The following NDST4 variants were observed in gnomAD, a reference collection of about 807,000 sequenced individuals.
NDST4 encodes the protein N-deacetylase and N-sulfotransferase 4.
In NDST4, 63 loss-of-function variants were observed where a neutral mutation model predicts 100.8. The observed-to-expected ratio is 0.62, with a 90% CI of 0.51 to 0.77. The LOEUF (loss-of-function observed/expected upper bound fraction) is 0.77, where lower values mean the gene tolerates loss of function less well. Among genes scored for constraint, NDST4 ranks in the 30% least tolerant of loss-of-function variants. NDST4 has a pLI of 0.00. For synonymous variants in NDST4, 377 were observed against 361.8 expected, an observed-to-expected ratio of 1.04 and a Z score of -0.48; for missense variants, 943 against 1,018.4, an observed-to-expected ratio of 0.93 and a Z score of 1.01.
chr4:115,079,917 A>G (rs1034786265), intron 1 of NDST4, among the ~76,000 whole-genome samples: 31 of 152,152 alleles, frequency 2.0e-4, no homozygotes, highest in African/African-American at 7.0e-4. Flanking sequence ...TTGTCAGAAA[A>G]TAACTTTTAA....
chr4:114,939,990 C>G (rs560546863), intron 4 of NDST4, among the ~76,000 whole-genome samples: 7 of 152,088 alleles, frequency 4.6e-5, no homozygotes, highest in Admixed American at 3.3e-4. Flanking sequence ...AAACCTACTT[C>G]GCAGAGACTT....
chr4:115,076,219 T>A lies in NDST4; in HGVS notation c.818A>T (p.Asn273Ile). ...CTTGTGCAGCCAAAAGTTCAAGTTG[T>A]TGCCAAAAAGTACTCTCTGAATTCC... ...HDGIQRVLFG[N>I]NLNFWLHKLI... Residue 273 changes from asparagine to isoleucine, a missense_variant, in exon 2 of 14, where the codon AAC (asparagine) becomes ATC (isoleucine). Asn to Ile is a moderately radical substitution (Grantham distance 149). Coordinates refer to ENST00000264363, the MANE Select transcript of NDST4 (RefSeq NM_022569.3). The A allele has an allele frequency of 6.2e-7, 1 of 1,613,984 alleles. No homozygotes were observed. Among genetic ancestry groups the A allele is most frequent in the Non-Finnish European group, 8.5e-7 (1 of 1,179,946 alleles).
At position 115,034,129 on chromosome 4, in the gene NDST4, C is replaced by T. The variant is rs11939952; in HGVS notation, c.978+41930G>A. On this transcript the variant is annotated intron_variant, in intron 2 of 13. Coordinates refer to ENST00000264363, the MANE Select transcript of NDST4 (RefSeq NM_022569.3). ...TCCTCCTTCTTATGGGGACCACACT[C>T]GGATCCTGCTTATTCTTGAGTAGTA... Among the ~76,000 whole-genome samples, 549 of 152,186 alleles carry T rather than the reference C, an allele frequency of 3.6e-3. 3 individuals carry two copies. Among genetic ancestry groups the T allele is most frequent in the African/African-American group, 0.013 (528 of 41,528 alleles).
At chr4:115,023,449 C>T (rs1727904625) in intron 2 of NDST4, among the ~76,000 whole-genome samples, 1 of 145,742 alleles carries the variant, frequency 6.9e-6, no homozygotes, top group Non-Finnish European at 1.5e-5. Flanking sequence ...CGTGCCATTG[C>T]ACTCCAGCCT....
At chr4:115,102,768 G>A (rs975550248) in intron 1 of NDST4, among the ~76,000 whole-genome samples, 2 of 137,068 alleles carry the variant, frequency 1.5e-5, no homozygotes, top group South Asian at 2.3e-4. Flanking sequence ...GAGTTCAATG[G>A]TGCGGCCTCA....
chr4:114,896,049 A>T (rs147054442), intron 6 of NDST4, among the ~76,000 whole-genome samples: 1 of 152,230 alleles, frequency 6.6e-6, no homozygotes, highest in Admixed American at 6.5e-5. Flanking sequence ...TGTGATTCTA[A>T]TACAAAATAT....
intron 2 of NDST4, among the ~76,000 whole-genome samples, chr4:115,055,731 T>A (rs1728679953): frequency 1.3e-5 from 2 of 152,058 alleles, no homozygotes; most frequent in South Asian, 4.1e-4. Context: ...TGTAGGTTAA[T>A]GAGAAACAAT....
At chr4:115,109,768 T>C (rs1264788113) in intron 1 of NDST4, among the ~76,000 whole-genome samples, 1 of 151,936 alleles carries the variant, frequency 6.6e-6, no homozygotes, top group East Asian at 1.9e-4. Context: ...TGTATGTAAA[T>C]GACCTCAAAG....
chr4:114,995,060 C>T (rs1727130382), intron 2 of NDST4, among the ~76,000 whole-genome samples: 1 of 151,974 alleles, frequency 6.6e-6, no homozygotes, highest in African/African-American at 2.4e-5. Context: ...GTGTGTTGAA[C>T]TGGCTAATTC....
At chr4:114,865,633 G>T (rs1037362458) in intron 7 of NDST4, among the ~76,000 whole-genome samples, 3 of 152,110 alleles carry the variant, frequency 2.0e-5, no homozygotes, top group African/African-American at 2.4e-5. Context: ...TATATTTTAT[G>T]ATGATTTTAA....
intron 7 of NDST4, 58 bp downstream of exon 7, chr4:114,870,710 A>G: frequency 7.0e-7 from 1 of 1,432,996 alleles, no homozygotes; most frequent in Non-Finnish European, 9.5e-7. Context: ...CACAAATTAT[A>G]CACTCACAAA....
chr4:114,939,101 G>A (rs1422703666), intron 4 of NDST4, among the ~76,000 whole-genome samples: 1 of 152,174 alleles, frequency 6.6e-6, no homozygotes, highest in African/African-American at 2.4e-5. Flanking sequence ...AACATGTACT[G>A]GGACAGCCTT....
At chr4:114,961,915 T>C (rs1726271970) in intron 4 of NDST4, among the ~76,000 whole-genome samples, 1 of 152,086 alleles carries the variant, frequency 6.6e-6, no homozygotes, top group Admixed American at 6.6e-5. Context: ...AGTATCTCTA[T>C]TAATAGAGTT....
chr4:114,945,041 C>G (rs764475956), intron 4 of NDST4, among the ~76,000 whole-genome samples: 4 of 151,726 alleles, frequency 2.6e-5, no homozygotes, highest in Non-Finnish European at 5.9e-5. Flanking sequence ...GAAACCCTGT[C>G]TCTACTAAAA....
chr4:114,991,379 G>A (rs1330827479), intron 2 of NDST4, among the ~76,000 whole-genome samples: 1 of 151,902 alleles, frequency 6.6e-6, no homozygotes, highest in African/African-American at 2.4e-5. Flanking sequence ...TGAGTTATGG[G>A]GTGAAGAGAA....
intron 6 of NDST4, among the ~76,000 whole-genome samples, chr4:114,897,179 A>G (rs1724733731): frequency 1.3e-5 from 2 of 152,170 alleles, no homozygotes; most frequent in Admixed American, 1.3e-4. Flanking sequence ...TGCATCTACT[A>G]TTATAGTATA....
At chr4:115,022,007 T>C (rs1727841084) in intron 2 of NDST4, among the ~76,000 whole-genome samples, 1 of 139,236 alleles carries the variant, frequency 7.2e-6, no homozygotes, top group Non-Finnish European at 1.5e-5. Flanking sequence ...TCCATATATA[T>C]GTTCCATATC....
intron 7 of NDST4, among the ~76,000 whole-genome samples, chr4:114,863,468 T>C (rs758643070): frequency 1.3e-5 from 2 of 152,254 alleles, no homozygotes; most frequent in Non-Finnish European, 2.9e-5. Flanking sequence ...CCAAAAAAGC[T>C]AAGCATTTAA....
intron 2 of NDST4, among the ~76,000 whole-genome samples, chr4:115,065,478 C>T (rs115430780): frequency 0.011 from 1,678 of 152,172 alleles, 15 homozygotes; most frequent in African/African-American, 0.02. Flanking sequence ...ATCTTAGTAT[C>T]GCTAAGCCTC....
Sources: allele counts gnomAD v4.1 joint callset (sites outside exome capture counted in the v4.1 genomes callset), GRCh38; gene constraint gnomAD v4.1.1; transcripts MANE v1.5; gene names NCBI Gene and HGNC (gene_info 2026-07-23, HGNC 2026-07-21).